Variants in CCNG2 observed in about 807,000 individuals in gnomAD.
CCNG2 encodes the protein cyclin G2.
A neutral mutation model predicts 36.5 loss-of-function variants in CCNG2; 20 were observed. That is an observed-to-expected ratio of 0.55 (90% CI 0.39 to 0.80). The LOEUF (loss-of-function observed/expected upper bound fraction) is 0.80, where lower values mean the gene tolerates loss of function less well. Among genes scored for constraint, CCNG2 ranks in the 30% least tolerant of loss-of-function variants. The pLI, the probability that CCNG2 is intolerant of heterozygous loss-of-function variation, is 0.00. For synonymous variants in CCNG2, 155 were observed against 140.1 expected, an observed-to-expected ratio of 1.11 and a Z score of -0.75; for missense variants, 358 against 390.8, an observed-to-expected ratio of 0.92 and a Z score of 0.71.
In CCNG2 at chr4:77,161,745, A is replaced by G; in HGVS notation, c.703A>G (p.Lys235Glu). 1 of 1,582,132 alleles carries G rather than the reference A, an allele frequency of 6.3e-7. No homozygotes were observed. ...TCTCTTGCTAGTTAAAAAACATTCC[A>G]AGGTAATTACAGTCATTATTCTTTA... ...EILLLVKKHS[K>E]INDTEFFYWR... Residue 235 changes from lysine (K) to glutamate (E), a missense_variant and splice_region_variant, in exon 6 of 8, where the codon AAG becomes GAG. By Grantham distance (56) the Lys-to-Glu change is moderately conservative. Coordinates refer to ENST00000316355, the MANE Select transcript of CCNG2 (RefSeq NM_004354.3).
chr4:77,162,024 A>C (rs974348678), intron 6 of CCNG2, among the ~76,000 whole-genome samples: 5 of 152,180 alleles, frequency 3.3e-5, no homozygotes, highest in Non-Finnish European at 5.9e-5. Flanking sequence ...ACATTGCCAC[A>C]TATGCATTGT....
At chr4:77,162,149 C>T (rs1731455644) in intron 6 of CCNG2, among the ~76,000 whole-genome samples, 1 of 152,174 alleles carries the variant, frequency 6.6e-6, no homozygotes, top group African/African-American at 2.4e-5. Flanking sequence ...TCAATTAACA[C>T]CAGCAATGTT....
At chr4:77,158,281 G>T (rs946908080) in intron 1 of CCNG2, 3 of 470,680 alleles carry the variant, frequency 6.4e-6, no homozygotes, top group Non-Finnish European at 1.1e-5. Flanking sequence ...GAAACGCCAA[G>T]AGGCCAGGGC....
Position 77,168,400 on chromosome 4 carries a change from C to T in CCNG2, c.*2476C>T, listed in dbSNP as rs552330938. ...TTACTCCTGGTCTCTGCCTTCCTAT[C>T]TACATATCCTTTTAAAATAAAATTT... On this transcript the variant is annotated 3_prime_UTR_variant, in exon 8 of 8. Coordinates refer to ENST00000316355, the MANE Select transcript of CCNG2 (RefSeq NM_004354.3). 6.6e-6 allele frequency: 1 copy of T among 152,300 alleles called. No homozygotes were observed. Among genetic ancestry groups the T allele is most frequent in the Non-Finnish European group, 1.5e-5 (1 of 68,030 alleles). 9.4% of individuals were successfully genotyped at this position (152,300 alleles called of 1,614,324 possible).
Position 77,169,700 on chromosome 4 carries a change from C to G in CCNG2, c.*3776C>G, listed in dbSNP as rs1331972146. ...AGATGAGAGGCCATGTGGAGAGAGA[C>G]TCTTGAGGATGAGAGATTATCTTGG... On this transcript the variant is annotated 3_prime_UTR_variant, in exon 8 of 8. Coordinates refer to ENST00000316355, the MANE Select transcript of CCNG2 (RefSeq NM_004354.3). 1.3e-5 allele frequency: 2 copies of G among 152,230 alleles called. No individual in the cohort carries two copies. The highest frequency in any genetic ancestry group is 1.3e-4 in the Admixed American group (2 of 15,272). The allele number at this position is 152,230 out of a possible 1,614,324, so 9.4% of individuals were successfully genotyped here.
In CCNG2 at chr4:77,160,794, G is replaced by A. The variant is rs1560422269; in HGVS notation, c.350G>A (p.Cys117Tyr). ...LLAARIVEED[C>Y]NIPSTHDVIR... ...GCTGCTAGAATAGTTGAAGAAGACT[G>A]CAATATTCCATCCACTCATGATGTG... Residue 117 changes from cysteine (C) to tyrosine (Y), a missense_variant, in exon 4 of 8, where the codon TGC (cysteine) becomes TAC (tyrosine). Cys to Tyr is a radical substitution (Grantham distance 194). Transcript: ENST00000316355. 2 of 1,613,752 alleles carry A rather than the reference G, an allele frequency of 1.2e-6. No homozygotes were observed. Among genetic ancestry groups the A allele is most frequent in the Admixed American group, 1.7e-5 (1 of 60,028 alleles).
Position 77,168,924 on chromosome 4 carries a change from T to C in CCNG2, c.*3000T>C, listed in dbSNP as rs1356618589. The stretch of plus-strand genomic sequence containing the variant: ...AGAGATTTGACCTTTCAGGTTTTGA[T>C]CCTGTCATTTTCTAGGATGTGGTGC... On this transcript the variant is annotated 3_prime_UTR_variant, in exon 8 of 8. Coordinates refer to ENST00000316355, the MANE Select transcript of CCNG2 (RefSeq NM_004354.3). 1 of 152,274 alleles carries C rather than the reference T, an allele frequency of 6.6e-6. No homozygotes were observed. Among genetic ancestry groups the C allele is most frequent in the African/African-American group, 2.4e-5 (1 of 41,450 alleles). The allele number at this position is 152,274 out of a possible 1,614,324, so 9.4% of individuals were successfully genotyped here.
In CCNG2 at chr4:77,159,401, C is replaced by G. The variant is rs758460069; in HGVS notation, c.173C>G (p.Ala58Gly). ...ACTTTGTGTCCAGGATTGAGAAATG[C>G]CAAAGTTGAAGATTTAAGGAGTTTA... The part of the protein sequence containing the change: ...DNTLCPGLRN[A>G]KVEDLRSLAN... The change falls in exon 3 of 8, where the codon GCC becomes GGC. Residue 58 changes from alanine to glycine, a missense_variant. Coordinates refer to ENST00000316355, the MANE Select transcript of CCNG2 (RefSeq NM_004354.3). 1 of 1,613,316 alleles carries G rather than the reference C, an allele frequency of 6.2e-7. No homozygotes were observed. Among genetic ancestry groups the G allele is most frequent in the Non-Finnish European group, 8.5e-7 (1 of 1,179,616 alleles).
rs1264537939 is a variant in CCNG2 at position 77,168,789 on chromosome 4, C to T, written c.*2865C>T. 4 of 152,256 alleles carry T rather than the reference C, an allele frequency of 2.6e-5. No individual in the cohort carries two copies. Among genetic ancestry groups the T allele is most frequent in the African/African-American group, 9.6e-5 (4 of 41,452 alleles). The allele number at this position is 152,256 out of a possible 1,614,324, so 9.4% of individuals were successfully genotyped here. On this transcript the variant is annotated 3_prime_UTR_variant, in exon 8 of 8. Transcript: ENST00000316355. ...CCTCCTGTGCCATTCAACCAGGTGG[C>T]TTTCCCATGACTGTGATGAATAAAA...
chr4:77,166,161 C>G lies in CCNG2; in HGVS notation c.*237C>G. On this transcript the variant is annotated 3_prime_UTR_variant, in exon 8 of 8. Coordinates refer to ENST00000316355, the MANE Select transcript of CCNG2 (RefSeq NM_004354.3). Reference sequence around the variant, plus strand: ...TTAGACATTGGCACTTTATTTTTCTCGTAGATCTTTAGCTACTTTGGGGAG... The same window carrying G: ...TTAGACATTGGCACTTTATTTTTCTGGTAGATCTTTAGCTACTTTGGGGAG... 3.4e-6 allele frequency: 1 copy of G among 298,088 alleles called. No homozygotes were observed. The highest frequency in any genetic ancestry group is 6.2e-6 in the Non-Finnish European group (1 of 162,514). 18.5% of individuals were successfully genotyped at this position (298,088 alleles called of 1,614,324 possible). A position where few individuals can be genotyped will look rare whatever the true frequency, so the allele number is the denominator to read the frequency against.
intron 3 of CCNG2, 57 bp from the exon 4 acceptor site, chr4:77,160,664 A>G: frequency 6.5e-7 from 1 of 1,547,178 alleles, no homozygotes; most frequent in South Asian, 1.2e-5. Flanking sequence ...CAATATTCTA[A>G]GTATCTGCTA....
chr4:77,158,351 C>A, intron 1 of CCNG2, 182 bp from the exon 2 acceptor site: 1 of 595,300 alleles, frequency 1.7e-6, no homozygotes, highest in Non-Finnish European at 3.0e-6. Context: ...CCCTGCCACA[C>A]CTCCCTGGCC....
chr4:77,158,771 C>A, intron 2 of CCNG2, 101 bp downstream of exon 2: 1 of 1,265,646 alleles, frequency 7.9e-7, no homozygotes, highest in South Asian at 1.4e-5. Context: ...TGCAAAATTT[C>A]TTAAAAGTTG....
chr4:77,159,737 T>C lies in CCNG2; in HGVS notation c.276+233T>C, dbSNP rs565892239. On this transcript the variant is annotated intron_variant, in intron 3 of 7. Coordinates refer to ENST00000316355, the MANE Select transcript of CCNG2 (RefSeq NM_004354.3). ...TACCTCTTAAGTACTTTCTCTTGAATATGTGACAAAAGAGAGACTACTATT... is the reference window on the plus strand; with the variant it reads ...TACCTCTTAAGTACTTTCTCTTGAACATGTGACAAAAGAGAGACTACTATT... 2.0e-5 allele frequency among the ~76,000 whole-genome samples: 3 copies of C among 152,366 alleles called. No homozygotes were observed. In the East Asian group the frequency reaches 5.8e-4, roughly 29 times the overall value.
intron 3 of CCNG2, among the ~76,000 whole-genome samples, chr4:77,160,296 T>C (rs1731392801): frequency 1.3e-5 from 2 of 152,210 alleles, no homozygotes; most frequent in African/African-American, 4.8e-5. Context: ...AATCTAGCTT[T>C]TGAACCTGCA....
At chr4:77,165,746 T>G in intron 7 of CCNG2, 55 bp from the exon 8 acceptor site, 3 of 1,411,942 alleles carry the variant, frequency 2.1e-6, no homozygotes. Context: ...CTATAAAACA[T>G]TTAAGTGTGT....
chr4:77,162,035 T>A (rs1731452712), intron 6 of CCNG2, among the ~76,000 whole-genome samples: 1 of 152,176 alleles, frequency 6.6e-6, no homozygotes, highest in Admixed American at 6.5e-5. Flanking sequence ...TATGCATTGT[T>A]CTGAAATGCA....
At chr4:77,160,513 C>T (rs1243249964) in intron 3 of CCNG2, among the ~76,000 whole-genome samples, 1 of 142,488 alleles carries the variant, frequency 7.0e-6, no homozygotes, top group African/African-American at 2.8e-5. Context: ...AGCCACTGTT[C>T]CCTGCTGCCT....
In CCNG2 at chr4:77,161,686, T is replaced by C. The variant is rs1292901267; in HGVS notation, c.644T>C (p.Val215Ala). 6.2e-7 allele frequency: 1 copy of C among 1,610,044 alleles called. No individual in the cohort carries two copies. Among genetic ancestry groups the C allele is most frequent in the Non-Finnish European group, 8.5e-7 (1 of 1,178,606 alleles). ...GCCTTGTGCCTTCTCAATTTGGAAGTGGAAACTTTGAAATCTGTTGAATTA... is the reference window on the plus strand; with the variant it reads ...GCCTTGTGCCTTCTCAATTTGGAAGCGGAAACTTTGAAATCTGTTGAATTA... Reference protein sequence around the residue: ...VLALCLLNLEVETLKSVELLE... With the variant: ...VLALCLLNLEAETLKSVELLE... The change falls in exon 6 of 8, where the codon GTG becomes GCG. Residue 215 changes from valine to alanine, a missense_variant. By Grantham distance (64) the Val-to-Ala change is moderately conservative. Transcript: ENST00000316355.
Sources: gnomAD v4.1 joint callset for allele counts (sites outside exome capture counted in the v4.1 genomes callset) on GRCh38, gnomAD v4.1.1 for gene constraint, MANE v1.5 for transcripts, NCBI Gene and HGNC (gene_info 2026-07-23, HGNC 2026-07-21) for gene names.